IGFBP5: variants seen among roughly 807,000 people sequenced by gnomAD.
IGFBP5 encodes insulin-like growth factor-binding protein 5.
Under a neutral mutation model 28.0 loss-of-function variants are expected in IGFBP5, and 12 were observed. That is an observed-to-expected ratio of 0.43 (90% CI 0.27 to 0.69). The LOEUF is 0.69. IGFBP5 is among the 30% of genes least tolerant of loss of function. IGFBP5 has a pLI of 0.20. For missense variants in IGFBP5, 344 were observed against 381.6 expected, an observed-to-expected ratio of 0.90 and a Z score of 0.82; for synonymous variants, 152 against 150.2, an observed-to-expected ratio of 1.01 and a Z score of -0.09.
chr2:216,679,198 C>T lies in IGFBP5; in HGVS notation c.338-119G>A, dbSNP rs781108109. 4.4e-5 allele frequency: 33 copies of T among 747,072 alleles called. No individual in the cohort carries two copies. Among genetic ancestry groups the T allele is most frequent in the Non-Finnish European group, 6.2e-5 (26 of 421,574 alleles). The allele number at this position is 747,072 out of a possible 1,614,324, so 46.3% of individuals were successfully genotyped here. A position where few individuals can be genotyped will look rare whatever the true frequency, so the allele number is the denominator to read the frequency against. ...AAAGGCTGAAGCAGATGTGTCTCTG[C>T]CCTCCTGGAGCACACCCTGAAAGCA... On this transcript the variant is annotated intron_variant, in intron 1 of 3. Transcript: ENST00000233813. This position sits in a 1 kb window ranked among gnomAD's most constrained non-coding sequence, Gnocchi z 4.6.
chr2:216,677,360 T>C (rs951235252), intron 3 of IGFBP5, among the ~76,000 whole-genome samples: 25 of 152,206 alleles, frequency 1.6e-4, no homozygotes, highest in African/African-American at 6.0e-4. Flanking sequence ...GAAGGAGGCA[T>C]GATTTGTGGT....
Position 216,695,016 on chromosome 2 carries a change from C to G in IGFBP5, c.-241G>C. On this transcript the variant is annotated 5_prime_UTR_variant, in exon 1 of 4. Transcript: ENST00000233813. ...AAGCCTTGCAACAGGTTGGGGGAAG[C>G]AGGGCAGCGCCAGGTGCACGCAGTG... is the stretch of plus-strand genomic sequence containing the variant. 2.8e-6 allele frequency: 1 copy of G among 363,392 alleles called. No homozygotes were observed. The highest frequency in any genetic ancestry group is 4.9e-6 in the Non-Finnish European group (1 of 203,868). 22.5% of individuals were successfully genotyped at this position (363,392 alleles called of 1,614,324 possible).
intron 3 of IGFBP5, among the ~76,000 whole-genome samples, 158 bp downstream of exon 3, chr2:216,677,947 GGGAATGT>G (rs1688922311): frequency 6.6e-6 from 1 of 152,214 alleles, no homozygotes; most frequent in African/African-American, 2.4e-5. Context: ...CAGCATAGTA[GGGAATGT>G]GGAAAGTCAT....
chr2:216,694,150 C>A lies in IGFBP5; in HGVS notation c.337+289G>T, dbSNP rs191346251. 6.0e-4 allele frequency among the ~76,000 whole-genome samples: 90 copies of A among 148,962 alleles called. No individual in the cohort carries two copies. Among genetic ancestry groups the A allele is most frequent in the Admixed American group, 1.5e-3 (22 of 14,876 alleles). ...TACCAGGGGATTTGGACCTTGTGAC[C>A]GAATAAGAGCTCAGAATCAGTATTC... is the stretch of plus-strand genomic sequence containing the variant. On this transcript the variant is annotated intron_variant, in intron 1 of 3. Coordinates refer to ENST00000233813, the MANE Select transcript of IGFBP5 (RefSeq NM_000599.4). The surrounding 1 kb of genome is among the most constrained non-coding windows in gnomAD (Gnocchi z 5.2).
intron 1 of IGFBP5, among the ~76,000 whole-genome samples, chr2:216,681,581 G>T (rs1361177837): frequency 2.0e-5 from 3 of 152,066 alleles, no homozygotes; most frequent in African/African-American, 7.2e-5. Flanking sequence ...AGGCCATTTA[G>T]TCCATCCCCC....
chr2:216,678,089 G>T, intron 3 of IGFBP5, 23 bp downstream of exon 3: 2 of 1,434,122 alleles, frequency 1.4e-6, no homozygotes, highest in Non-Finnish European at 1.9e-6. Flanking sequence ...GTCTGAGCCT[G>T]GAGCTCAGGG....
At position 216,694,707 on chromosome 2, in the gene IGFBP5, G is replaced by A; in HGVS notation, c.69C>T (p.Ser23=). The change falls in exon 1 of 4, where the codon TCC becomes TCT. Residue 23 remains serine, a synonymous_variant. Coordinates refer to ENST00000233813, the MANE Select transcript of IGFBP5 (RefSeq NM_000599.4). This position sits in a 1 kb window ranked among gnomAD's most constrained non-coding sequence, Gnocchi z 5.2. ...CGTCGCAGGGCTCGCAGTGCACGAA[G>A]GAGCCCAGGCTCTGGGCCGGCCCCG... ...AYAGPAQSLG[S]FVHCEPCDEK... is the part of the protein sequence containing the mutation. The A allele has an allele frequency of 2.0e-6, 3 of 1,496,066 alleles. No individual in the cohort carries two copies. Among genetic ancestry groups the A allele is most frequent in the Non-Finnish European group, 2.7e-6 (3 of 1,126,980 alleles). 92.7% of individuals were successfully genotyped at this position (1,496,066 alleles called of 1,614,324 possible).
In IGFBP5 at chr2:216,694,551, G is replaced by A. The variant is rs749270984; in HGVS notation, c.225C>T (p.Ala75=). 6.4e-7 allele frequency: 1 copy of A among 1,568,928 alleles called. No homozygotes were observed. The highest frequency in any genetic ancestry group is 2.3e-5 in the East Asian group (1 of 43,058). The change falls in exon 1 of 4, where the codon GCC becomes GCT. Residue 75 remains alanine, a synonymous_variant. Coordinates refer to ENST00000233813, the MANE Select transcript of IGFBP5 (RefSeq NM_000599.4). This position sits in a 1 kb window ranked among gnomAD's most constrained non-coding sequence, Gnocchi z 5.2. ...GCCGGGGGAGGCAGCGCAGCCCCTG[G>A]GCGCAGCGCTCGGTGTAGACGCCGC... ...QSCGVYTERC[A]QGLRCLPRQD...
Position 216,676,735 on chromosome 2 carries a change from G to T in IGFBP5, c.*16C>A, listed in dbSNP as rs201962081. ...GGGGGTGGGAGGGGGTGAGGGAAAG[G>T]TTGGGGGGGGACGCATCACTCAACG... On this transcript the variant is annotated 3_prime_UTR_variant, in exon 4 of 4. Coordinates refer to ENST00000233813, the MANE Select transcript of IGFBP5 (RefSeq NM_000599.4). The T allele has an allele frequency of 3.2e-6, 5 of 1,587,010 alleles. No individual in the cohort carries two copies. The highest frequency in any genetic ancestry group is 4.3e-6 in the Non-Finnish European group (5 of 1,166,068).
At chr2:216,688,744 T>C (rs765151035) in intron 1 of IGFBP5, among the ~76,000 whole-genome samples, 3 of 152,160 alleles carry the variant, frequency 2.0e-5, no homozygotes, top group Non-Finnish European at 4.4e-5. Context: ...GGTTGAGGGA[T>C]CAAACATGAG....
rs1688832034 is a variant in IGFBP5, at chr2:216,672,154, C to T, written c.*4597G>A. On this transcript the variant is annotated 3_prime_UTR_variant, in exon 4 of 4. Transcript: ENST00000233813. ...ATAAATGCTTTGTCATGACAAAAGA[C>T]AAAGATCAAGGAGTAACATAAATTA... 6.6e-6 allele frequency: 1 copy of T among 152,126 alleles called. No homozygotes were observed. The highest frequency in any genetic ancestry group is 2.4e-5 in the African/African-American group (1 of 41,410). 9.4% of individuals were successfully genotyped at this position (152,126 alleles called of 1,614,324 possible).
intron 3 of IGFBP5, among the ~76,000 whole-genome samples, chr2:216,677,189 T>C (rs1688910950): frequency 6.6e-6 from 1 of 151,980 alleles, no homozygotes; most frequent in Non-Finnish European, 1.5e-5. Flanking sequence ...TCTTCCTGCC[T>C]CAGCCTCTGG....
chr2:216,684,610 G>A (rs1259013894), intron 1 of IGFBP5, among the ~76,000 whole-genome samples: 2 of 152,176 alleles, frequency 1.3e-5, no homozygotes, highest in African/African-American at 4.8e-5. Flanking sequence ...AATGAAAAAG[G>A]GAGCTGAATT....
Position 216,694,752 on chromosome 2 carries a change from G to T in IGFBP5, c.24C>A (p.Leu8=). The stretch of plus-strand genomic sequence containing the variant: ...GCCCCGCATAGGCGGCCAGCAGCAG[G>T]AGGACCGCGGTGAGCAACACCATCT... The part of the protein sequence containing the change: MVLLTAV[L]LLLAAYAGPA... Residue 8 remains leucine (L), a synonymous_variant, in exon 1 of 4, where the codon CTC becomes CTA. Coordinates refer to ENST00000233813, the MANE Select transcript of IGFBP5 (RefSeq NM_000599.4). This position sits in a 1 kb window ranked among gnomAD's most constrained non-coding sequence, Gnocchi z 5.2. 2 of 1,432,848 alleles carry T rather than the reference G, an allele frequency of 1.4e-6. No homozygotes were observed. The allele number at this position is 1,432,848 out of a possible 1,614,324, so 88.8% of individuals were successfully genotyped here. A position where few individuals can be genotyped will look rare whatever the true frequency, so the allele number is the denominator to read the frequency against.
chr2:216,686,352 C>A (rs987186326), intron 1 of IGFBP5, among the ~76,000 whole-genome samples: 1 of 152,228 alleles, frequency 6.6e-6, no homozygotes, highest in Admixed American at 6.5e-5. Context: ...AACTGTGCCA[C>A]CCTAAACCTT....
chr2:216,672,872 T>C lies in IGFBP5; in HGVS notation c.*3879A>G, dbSNP rs182384519. ...CAAAAGCCTAAGAGAAAATAAAAAG[T>C]GGAGAAACAGTGCAATGTAATTCTT... On this transcript the variant is annotated 3_prime_UTR_variant, in exon 4 of 4. Coordinates refer to ENST00000233813, the MANE Select transcript of IGFBP5 (RefSeq NM_000599.4). The C allele has an allele frequency of 6.6e-6, 1 of 152,598 alleles. No homozygotes were observed. Among genetic ancestry groups the C allele is most frequent in the Non-Finnish European group, 1.5e-5 (1 of 68,050 alleles). The allele number at this position is 152,598 out of a possible 1,614,324, so 9.5% of individuals were successfully genotyped here.
chr2:216,679,127 C>T lies in IGFBP5; in HGVS notation c.338-48G>A. 1 of 1,525,410 alleles carries T rather than the reference C, an allele frequency of 6.6e-7. No individual in the cohort carries two copies. Among genetic ancestry groups the T allele is most frequent in the Non-Finnish European group, 9.1e-7 (1 of 1,100,596 alleles). 94.5% of individuals were successfully genotyped at this position (1,525,410 alleles called of 1,614,324 possible). A position where few individuals can be genotyped will look rare whatever the true frequency, so the allele number is the denominator to read the frequency against. On this transcript the variant is annotated intron_variant, in intron 1 of 3. Transcript: ENST00000233813. The surrounding 1 kb of genome is among the most constrained non-coding windows in gnomAD (Gnocchi z 4.6). ...GTCAGCCCCCGTGGGCCAAGGTGCA[C>T]ACGGCCAGAGCCCAGGGCTGGGCAG...
chr2:216,688,712 G>C (rs1574582114), intron 1 of IGFBP5, among the ~76,000 whole-genome samples: 1 of 152,182 alleles, frequency 6.6e-6, no homozygotes, highest in South Asian at 2.1e-4. Context: ...TTTTAGGCCA[G>C]GGAAAGGGGC....
rs1689156932 is a variant in IGFBP5 at position 216,695,509 on chromosome 2, T to C, written c.-734A>G. 1 of 152,228 alleles carries C rather than the reference T, an allele frequency of 6.6e-6. No individual in the cohort carries two copies. The highest frequency in any genetic ancestry group is 2.4e-5 in the African/African-American group (1 of 41,460). 9.4% of individuals were successfully genotyped at this position (152,228 alleles called of 1,614,324 possible). ...AAGCCCACACTGCTTTGCAGCTCTT[T>C]CCTAGCTCTTTTCCCCTGCAGAAGT... On this transcript the variant is annotated 5_prime_UTR_variant, in exon 1 of 4. Transcript: ENST00000233813.
Sources: gnomAD v4.1 joint callset for allele counts (sites outside exome capture counted in the v4.1 genomes callset) on GRCh38, gnomAD v4.1.1 for gene constraint, Gnocchi (gnomAD v3.1) non-coding constraint, MANE v1.5 for transcripts, NCBI Gene and HGNC (gene_info 2026-07-23, HGNC 2026-07-21) for gene names.